The following MRPL36 variants were observed in gnomAD, a reference collection of about 807,000 sequenced individuals.
MRPL36 encodes the protein mitochondrial ribosomal protein L36, also known as large ribosomal subunit protein bL36m.
In MRPL36, 1 loss-of-function variant was observed where a neutral mutation model predicts 2.8. The observed-to-expected ratio is 0.36, with a 90% CI of 0.13 to 1.69. The LOEUF is 1.69. MRPL36 is among the 40% of genes most tolerant of loss of function. The probability of loss-of-function intolerance (pLI) is 0.35; values close to 1 mark genes in which losing one functional copy is unlikely to be tolerated. For missense variants in MRPL36, 148 were observed against 132.7 expected (o/e 1.12, Z -0.57); for synonymous variants, 68 against 54.8 (o/e 1.24, Z -1.06).
rs896212590 is a variant in MRPL36, at chr5:1,799,063, G to T, written c.-12-116C>A. On this transcript the variant is annotated intron_variant, in intron 1 of 1. Transcript: ENST00000505059. ...GGAAGGCAGGGACCTCGGGGACTGA[G>T]GGTGTTCCCATACCAGCTGCAGCCT... The T allele has an allele frequency of 3.8e-6, 3 of 781,002 alleles. No homozygotes were observed. The African/African-American group carries it at 5.2e-5, about 14-fold the overall frequency. 48.4% of individuals were successfully genotyped at this position (781,002 alleles called of 1,614,324 possible). A position where few individuals can be genotyped will look rare whatever the true frequency, so the allele number is the denominator to read the frequency against.
chr5:1,800,939 A>G (rs1341640732), upstream of MRPL36, among the ~76,000 whole-genome samples: 1 of 152,200 alleles, frequency 6.6e-6, no homozygotes, highest in Non-Finnish European at 1.5e-5. Flanking sequence ...CCTTCACCCA[A>G]TAATTTTGAT....
upstream of MRPL36, chr5:1,801,418 A>G (rs768527029): frequency 1.2e-6 from 2 of 1,605,184 alleles, no homozygotes; most frequent in South Asian, 1.1e-5. Context: ...GCGGCGCAAA[A>G]TGGCGGCGGC....
upstream of MRPL36, chr5:1,801,215 C>G: frequency 1.4e-6 from 1 of 729,466 alleles, no homozygotes; most frequent in Non-Finnish European, 2.2e-6. Context: ...TCGGTGTAAT[C>G]AGGGGCATTT....
At chr5:1,800,669 G>T, upstream of MRPL36, among the ~76,000 whole-genome samples, 1 of 152,126 alleles carries the variant, frequency 6.6e-6, no homozygotes, top group South Asian at 2.1e-4. Flanking sequence ...TTGGAGTCAC[G>T]TGGTCCTCAG....
chr5:1,801,348 C>A, upstream of MRPL36: 2 of 1,559,210 alleles, frequency 1.3e-6, no homozygotes, highest in Non-Finnish European at 1.7e-6. Flanking sequence ...TGTTTGGCGC[C>A]GCCAGAAGCC....
At position 1,798,693 on chromosome 5, in the gene MRPL36, C is replaced by G. The variant is rs775801553; in HGVS notation, c.243G>C (p.Leu81=). 7 of 1,613,898 alleles carry G rather than the reference C, an allele frequency of 4.3e-6. No homozygotes were observed. Among genetic ancestry groups the G allele is most frequent in the Non-Finnish European group, 5.1e-6 (6 of 1,179,836 alleles). Residue 81 remains leucine (L), a synonymous_variant, in exon 2 of 2, where the codon CTG becomes CTC. Transcript: ENST00000505059. ...VLKKRCKDCY[L]VKRRGRWYVY... ...CGTACCACCGACCCCGCCTCTTCAC[C>G]AGGTAACAGTCCTTGCAGCGCTTCT...
upstream of MRPL36, among the ~76,000 whole-genome samples, chr5:1,800,141 A>G (rs966400255): frequency 6.6e-6 from 1 of 152,222 alleles, no homozygotes; most frequent in African/African-American, 2.4e-5. Flanking sequence ...AAACTGAGAA[A>G]GAGGACATGT....
At chr5:1,800,030 A>G (rs1561100480), upstream of MRPL36, 2 of 152,248 alleles carry the variant, frequency 1.3e-5, no homozygotes, top group East Asian at 1.9e-4. Context: ...CTCTCGGGAA[A>G]AAAAATGCAA....
At chr5:1,800,697 A>G (rs1734010350), upstream of MRPL36, among the ~76,000 whole-genome samples, 1 of 152,210 alleles carries the variant, frequency 6.6e-6, no homozygotes, top group African/African-American at 2.4e-5. Context: ...CCACAGCAAA[A>G]GAAAAGCTGG....
At chr5:1,799,431 C>T (rs1733954706) in intron 1 of MRPL36, 1 of 153,020 alleles carries the variant, frequency 6.5e-6, no homozygotes, top group Non-Finnish European at 1.5e-5. Context: ...TCCCCACGCG[C>T]CCCGGCCCTT....
chr5:1,799,256 G>A (rs189458533), intron 1 of MRPL36: 37 of 242,680 alleles, frequency 1.5e-4, no homozygotes, highest in African/African-American at 8.3e-4. Context: ...TTAAACTTAG[G>A]CCGCATCCCT....
At chr5:1,799,425 C>G (rs1733954482) in intron 1 of MRPL36, 1 of 153,088 alleles carries the variant, frequency 6.5e-6, no homozygotes, top group Admixed American at 6.5e-5. Context: ...CCTGCTTCCC[C>G]ACGCGCCCCG....
rs192549235 is a variant in MRPL36, at chr5:1,798,677, G to C, written c.259C>G (p.Arg87Gly). 1 of 1,613,724 alleles carries C rather than the reference G, an allele frequency of 6.2e-7. No homozygotes were observed. The highest frequency in any genetic ancestry group is 8.5e-7 in the Non-Finnish European group (1 of 1,179,796). ...TGGGTTTTACAGTAGACGTACCACC[G>C]ACCCCGCCTCTTCACCAGGTAACAG... ...KDCYLVKRRG[R>G]WYVYCKTHPR... The change falls in exon 2 of 2, where the codon CGG (arginine) becomes GGG (glycine). Residue 87 changes from arginine to glycine, a missense_variant. Physicochemically the swap from Arg to Gly is moderately radical, Grantham distance 125. Transcript: ENST00000505059.
At chr5:1,801,311 CG>C (rs200641971), upstream of MRPL36, 44 of 1,385,546 alleles carry the variant, frequency 3.2e-5, no homozygotes, top group Non-Finnish European at 3.7e-5. Flanking sequence ...CCGCGCTCCC[CG>C]CCCCCAGGGC....
At chr5:1,801,345 C>T, upstream of MRPL36, 8 of 1,553,078 alleles carry the variant, frequency 5.2e-6, no homozygotes, top group East Asian at 4.6e-5. Flanking sequence ...GGGTGTTTGG[C>T]GCCGCCAGAA....
chr5:1,799,875 C>CGGGGG (rs368360524), upstream of MRPL36: 24 of 131,652 alleles, frequency 1.8e-4, no homozygotes, highest in African/African-American at 4.5e-4. Context: ...AAGATGGCGG[C>CGGGGG]GGGGGGGGGG....
upstream of MRPL36, chr5:1,799,947 C>T (rs1733986886): frequency 6.6e-6 from 1 of 151,866 alleles, no homozygotes. Context: ...TGCGCAGGCG[C>T]TGGAGTGCGA....
chr5:1,798,517 A>C lies in MRPL36; in HGVS notation c.*107T>G. ...GGTAACTTTTAGGGCGTTTGCTTCC[A>C]GTCACTTTCCCCTGACTCCTTGATG... On this transcript the variant is annotated 3_prime_UTR_variant, in exon 2 of 2. Coordinates refer to ENST00000505059, the MANE Select transcript of MRPL36 (RefSeq NM_032479.4). 1 of 1,123,798 alleles carries C rather than the reference A, an allele frequency of 8.9e-7. No homozygotes were observed. Among genetic ancestry groups the C allele is most frequent in the Non-Finnish European group, 1.3e-6 (1 of 784,898 alleles). The allele number at this position is 1,123,798 out of a possible 1,614,324, so 69.6% of individuals were successfully genotyped here.
upstream of MRPL36, among the ~76,000 whole-genome samples, chr5:1,800,863 C>T (rs1734016638): frequency 6.6e-6 from 1 of 152,252 alleles, no homozygotes; most frequent in East Asian, 1.9e-4. Flanking sequence ...CCCGTAACCA[C>T]ACACAGGAAC....
Sources: gnomAD v4.1 joint callset for allele counts (sites outside exome capture counted in the v4.1 genomes callset) on GRCh38, gnomAD v4.1.1 for gene constraint, MANE v1.5 for transcripts, NCBI Gene and HGNC (gene_info 2026-07-23, HGNC 2026-07-21) for gene names.